The following CSMD1 variants were observed in gnomAD, a reference collection of about 807,000 sequenced individuals.
CSMD1 encodes CUB and Sushi multiple domains 1.
Under a neutral mutation model 417.5 loss-of-function variants are expected in CSMD1, and 213 were observed. The observed-to-expected ratio is 0.51, with a 90% CI of 0.46 to 0.57. CSMD1 has a LOEUF of 0.57. Ranked by LOEUF, CSMD1 falls within the 20% of genes least tolerant of loss-of-function variation. CSMD1 has a pLI of 0.00. For missense variants in CSMD1, 6,923 were observed against 4,529.7 expected, an observed-to-expected ratio of 1.53 and a Z score of -15.17; for synonymous variants, 2,862 against 1,736.8, an observed-to-expected ratio of 1.65 and a Z score of -16.11.
At position 4,854,167 on chromosome 8, in the gene CSMD1, T is replaced by C. The variant is rs73659216; in HGVS notation, c.85+140165A>G. The stretch of plus-strand genomic sequence containing the variant: ...GGGGGCTATTGGCAGGAGATGATTC[T>C]ATTTTGCAATGTGAGAAGGGCATGA... On this transcript the variant is annotated intron_variant, in intron 1 of 69. Coordinates refer to ENST00000635120, the MANE Select transcript of CSMD1 (RefSeq NM_033225.6). Among the ~76,000 whole-genome samples, 697 of 152,276 alleles carry C rather than the reference T, an allele frequency of 4.6e-3. 3 individuals carry two copies. Among genetic ancestry groups the C allele is most frequent in the African/African-American group, 0.016 (672 of 41,554 alleles).
At chr8:4,637,231 C>A in intron 2 of CSMD1, 111 bp downstream of exon 2, 4 of 933,098 alleles carry the variant, frequency 4.3e-6, no homozygotes, top group Non-Finnish European at 4.9e-6. Flanking sequence ...CACGAACCCA[C>A]CGGAAGGAAC....
intron 3 of CSMD1, among the ~76,000 whole-genome samples, chr8:4,347,646 A>G (rs1488396021): frequency 6.6e-6 from 1 of 152,192 alleles, no homozygotes; most frequent in East Asian, 1.9e-4. Flanking sequence ...TGAAAGGAGG[A>G]GTGTAATTTC....
intron 4 of CSMD1, among the ~76,000 whole-genome samples, chr8:4,008,379 T>A (rs561814860): frequency 6.6e-6 from 1 of 151,880 alleles, no homozygotes; most frequent in Non-Finnish European, 1.5e-5. Context: ...CATGAAAATA[T>A]ATCAAAGTTT....
At chr8:3,510,522 G>A (rs1256013794) in intron 10 of CSMD1, among the ~76,000 whole-genome samples, 1 of 151,840 alleles carries the variant, frequency 6.6e-6, no homozygotes, top group Non-Finnish European at 1.5e-5. Flanking sequence ...AATCTTAGAA[G>A]GTCTTTAAAG....
At position 3,201,700 on chromosome 8, in the gene CSMD1, G is replaced by C. The variant is rs1797001793; in HGVS notation, c.5010C>G (p.Phe1670Leu). 6.2e-7 allele frequency: 1 copy of C among 1,602,322 alleles called. No individual in the cohort carries two copies. The highest frequency in any genetic ancestry group is 1.1e-5 in the South Asian group (1 of 88,478). ...EFVVFGQFAY[F>L]QTALNDLAEL... ...CTGCCAAATCATTCAGGGCTGTCTG[G>C]AAATAGGCAAACTGTCCAAAGACCA... Residue 1670 changes from phenylalanine (F) to leucine (L), a missense_variant, in exon 32 of 70, where the codon TTC becomes TTG. By Grantham distance (22) the Phe-to-Leu change is conservative (BLOSUM62 0). Transcript: ENST00000635120.
chr8:4,386,274 T>A (rs1803448867), intron 3 of CSMD1, among the ~76,000 whole-genome samples: 1 of 151,828 alleles, frequency 6.6e-6, no homozygotes, highest in Non-Finnish European at 1.5e-5. Flanking sequence ...CATCCCCGGT[T>A]ATGACTTCCA....
intron 2 of CSMD1, among the ~76,000 whole-genome samples, chr8:4,507,663 G>C (rs558237215): frequency 6.6e-6 from 1 of 152,126 alleles, no homozygotes; most frequent in African/African-American, 2.4e-5. Context: ...GGAGATATCT[G>C]AGCAAGGCAA....
chr8:4,144,323 A>G (rs149762057), intron 3 of CSMD1, among the ~76,000 whole-genome samples: 35 of 151,236 alleles, frequency 2.3e-4, no homozygotes, highest in Non-Finnish European at 4.9e-4. Flanking sequence ...TGTCCTGGCC[A>G]TATTCATTCT....
chr8:3,556,864 C>T (rs1166932529), intron 10 of CSMD1, among the ~76,000 whole-genome samples: 1 of 152,138 alleles, frequency 6.6e-6, no homozygotes, highest in Non-Finnish European at 1.5e-5. Flanking sequence ...GGACAGATCT[C>T]AGCACACTTC....
chr8:4,753,853 C>G (rs1042601543), intron 1 of CSMD1, among the ~76,000 whole-genome samples: 3 of 152,144 alleles, frequency 2.0e-5, no homozygotes, highest in South Asian at 2.1e-4. Flanking sequence ...GATAATTGAA[C>G]TAGATTCCTT....
intron 2 of CSMD1, among the ~76,000 whole-genome samples, chr8:4,524,537 C>T (rs7835027): frequency 0.095 from 13,993 of 146,748 alleles, 865 homozygotes; most frequent in African/African-American, 0.18. Flanking sequence ...ATGAACCCTG[C>T]ATTTTCATGA....
intron 2 of CSMD1, among the ~76,000 whole-genome samples, chr8:4,567,959 A>G (rs772651133): frequency 2.0e-5 from 3 of 152,230 alleles, no homozygotes; most frequent in Non-Finnish European, 4.4e-5. Flanking sequence ...AGATTCTTAC[A>G]GCACAAGGAC....
intron 3 of CSMD1, among the ~76,000 whole-genome samples, chr8:4,198,069 C>T (rs1285914828): frequency 1.3e-5 from 2 of 152,198 alleles, no homozygotes; most frequent in Non-Finnish European, 1.5e-5. Context: ...ATTATCAAAG[C>T]GCAAAGCGAG....
intron 54 of CSMD1, among the ~76,000 whole-genome samples, chr8:2,994,502 C>G (rs1430297115): frequency 6.6e-6 from 1 of 152,170 alleles, no homozygotes; most frequent in Non-Finnish European, 1.5e-5. Context: ...CCCCACACGC[C>G]ATCGTGCCCA....
chr8:2,968,940 A>G (rs1490668607), intron 57 of CSMD1, among the ~76,000 whole-genome samples: 1 of 152,140 alleles, frequency 6.6e-6, no homozygotes, highest in Admixed American at 6.5e-5. Flanking sequence ...ATATAATAAA[A>G]TATTATGCTT....
intron 3 of CSMD1, among the ~76,000 whole-genome samples, chr8:4,241,235 T>G (rs1176410046): frequency 1.3e-5 from 2 of 152,324 alleles, no homozygotes; most frequent in Admixed American, 6.5e-5. Flanking sequence ...GAATAGAATT[T>G]GACACCCTTC....
intron 3 of CSMD1, among the ~76,000 whole-genome samples, chr8:4,077,020 A>T (rs1335887633): frequency 6.6e-6 from 1 of 152,006 alleles, no homozygotes; most frequent in East Asian, 1.9e-4. Flanking sequence ...AAAAATTGCA[A>T]CTCTAGGTAA....
intron 3 of CSMD1, among the ~76,000 whole-genome samples, chr8:4,150,031 C>A (rs572638392): frequency 6.6e-6 from 1 of 152,238 alleles, no homozygotes; most frequent in South Asian, 2.1e-4. Context: ...CTCAACGCTG[C>A]ACGTAAAAGG....
At chr8:3,294,337 C>T (rs2897417) in intron 25 of CSMD1, among the ~76,000 whole-genome samples, 74,957 of 151,924 alleles carry the variant, frequency 0.49, 20,826 homozygotes, top group South Asian at 0.64. Context: ...AGATCCACTA[C>T]GCTCTTCAAA....
Sources: allele counts gnomAD v4.1 joint callset (sites outside exome capture counted in the v4.1 genomes callset), GRCh38; gene constraint gnomAD v4.1.1; transcripts MANE v1.5; gene names NCBI Gene and HGNC (gene_info 2026-07-23, HGNC 2026-07-21).